The following LITAF variants were observed in gnomAD, a reference collection of about 807,000 sequenced individuals.
LITAF encodes the protein lipopolysaccharide induced TNF factor.
Under a neutral mutation model 14.5 loss-of-function variants are expected in LITAF, and 9 were observed. That is an observed-to-expected ratio of 0.62 (90% CI 0.37 to 1.08). The LOEUF (loss-of-function observed/expected upper bound fraction) is 1.08. Among genes scored for constraint, LITAF ranks in the 50% least tolerant of loss-of-function variants. The probability of loss-of-function intolerance (pLI) is 0.01; values close to 1 mark genes in which losing one functional copy is unlikely to be tolerated. For synonymous variants in LITAF, 98 were observed against 88.2 expected (o/e 1.11, Z -0.62); for missense variants, 206 against 213.4 (o/e 0.97, Z 0.22).
At chr16:11,633,704 C>T (rs976618781) in intron 2 of LITAF, 2 of 152,122 alleles carry the variant, frequency 1.3e-5, no homozygotes, top group African/African-American at 2.4e-5. Flanking sequence ...CAAGAAATAA[C>T]CTTAAAAATG....
In LITAF at chr16:11,553,589, C is replaced by G. The variant is rs149894874; in HGVS notation, c.321G>C (p.Leu107=). Reference sequence around the variant, plus strand: ...AGGTCAGAGCACCGGCGTTATAGGACAGCTGACTCACGATCATCTTGTTGC... The same window carrying G: ...AGGTCAGAGCACCGGCGTTATAGGAGAGCTGACTCACGATCATCTTGTTGC... The part of the protein sequence containing the change: ...PSCNKMIVSQ[L]SYNAGALTWL... The change falls in exon 3 of 4, where the codon CTG becomes CTC. Residue 107 remains leucine (L), a synonymous_variant. Transcript: ENST00000622633. This position sits in a 1 kb window ranked among gnomAD's most constrained non-coding sequence, Gnocchi z 7.7. 1 of 1,614,040 alleles carries G rather than the reference C, an allele frequency of 6.2e-7. No individual in the cohort carries two copies. Among genetic ancestry groups the G allele is most frequent in the African/African-American group, 1.3e-5 (1 of 74,936 alleles).
rs2064307364 is a variant in LITAF, at chr16:11,558,402, C to G, written c.-5-1667G>C. 1.3e-5 allele frequency among the ~76,000 whole-genome samples: 2 copies of G among 149,586 alleles called. No individual in the cohort carries two copies. The highest frequency in any genetic ancestry group is 2.1e-4 in the South Asian group (1 of 4,802). On this transcript the variant is annotated intron_variant, in intron 1 of 3. Coordinates refer to ENST00000622633, the MANE Select transcript of LITAF (RefSeq NM_001136472.2). This position sits in a 1 kb window ranked among gnomAD's most constrained non-coding sequence, Gnocchi z 4.1. ...CTGGGCAACATGGTGAGACCCCCATCTCTAAAACAAAACAAAACAAAAGGG... is the reference window on the plus strand; with the variant it reads ...CTGGGCAACATGGTGAGACCCCCATGTCTAAAACAAAACAAAACAAAAGGG...
At chr16:11,560,696 G>C (rs2064348292) in intron 1 of LITAF, among the ~76,000 whole-genome samples, 1 of 152,174 alleles carries the variant, frequency 6.6e-6, no homozygotes, top group Non-Finnish European at 1.5e-5. Flanking sequence ...AGGTTATAGA[G>C]AAGGGGAAAG....
chr16:11,621,128 G>A (rs145962297), intron 3 of LITAF, among the ~76,000 whole-genome samples: 29 of 152,032 alleles, frequency 1.9e-4, no homozygotes, highest in Non-Finnish European at 2.6e-4. Flanking sequence ...GGCAGTGCGC[G>A]ATCTCGGCTC....
intron 1 of LITAF, among the ~76,000 whole-genome samples, chr16:11,584,876 A>C (rs1283858298): frequency 6.6e-6 from 1 of 152,182 alleles, no homozygotes; most frequent in Admixed American, 6.6e-5. Flanking sequence ...TGTATTCCCC[A>C]AAGACAGTGA....
At chr16:11,636,630 C>A (rs1449656748), upstream of LITAF, among the ~76,000 whole-genome samples, 2 of 152,130 alleles carry the variant, frequency 1.3e-5, no homozygotes, top group Admixed American at 1.3e-4. Context: ...CACACGATGA[C>A]AAAGAAAAGG....
At chr16:11,608,371 G>C (rs1427186545) in intron 3 of LITAF, among the ~76,000 whole-genome samples, 2 of 152,168 alleles carry the variant, frequency 1.3e-5, no homozygotes, top group African/African-American at 4.8e-5. Context: ...GAAAGGGGAG[G>C]GGAGTTCCCA....
chr16:11,592,327 G>C (rs1049458891), intron 1 of LITAF, among the ~76,000 whole-genome samples: 1 of 152,158 alleles, frequency 6.6e-6, no homozygotes, highest in Non-Finnish European at 1.5e-5. Flanking sequence ...TATACTCCCA[G>C]TACTTTGGGA....
chr16:11,621,912 T>C (rs2065053621), intron 3 of LITAF, among the ~76,000 whole-genome samples: 1 of 152,150 alleles, frequency 6.6e-6, no homozygotes, highest in South Asian at 2.1e-4. Context: ...CCATTTCTTC[T>C]GGGTGGGAAG....
chr16:11,574,462 G>C (rs913623336), intron 1 of LITAF, among the ~76,000 whole-genome samples: 7 of 152,132 alleles, frequency 4.6e-5, no homozygotes, highest in African/African-American at 1.2e-4. Context: ...ACAAACACTG[G>C]TCACTTTTAC....
At chr16:11,639,888 T>A (rs1567271637), upstream of LITAF, among the ~76,000 whole-genome samples, 1 of 152,000 alleles carries the variant, frequency 6.6e-6, no homozygotes, top group Non-Finnish European at 1.5e-5. Context: ...GATCCTACCC[T>A]CTCAGCCCCC....
chr16:11,592,909 G>A (rs1197241516), intron 1 of LITAF, among the ~76,000 whole-genome samples: 2 of 152,092 alleles, frequency 1.3e-5, no homozygotes, highest in Non-Finnish European at 2.9e-5. Flanking sequence ...GGTGGCTCAC[G>A]CCTGTAATCC....
intron 3 of LITAF, among the ~76,000 whole-genome samples, chr16:11,615,203 T>A (rs2065009781): frequency 6.6e-6 from 1 of 152,142 alleles, no homozygotes; most frequent in Non-Finnish European, 1.5e-5. Context: ...CAGAGCCCCA[T>A]CTACCCTGGG....
At chr16:11,588,640 C>T (rs2064830339), upstream of LITAF, among the ~76,000 whole-genome samples, 1 of 151,866 alleles carries the variant, frequency 6.6e-6, no homozygotes, top group Non-Finnish European at 1.5e-5. Flanking sequence ...TGGATTACAC[C>T]CAACCTCTGC....
At chr16:11,639,207 G>GTATGGATGGGTAGATA (rs1160371393), upstream of LITAF, among the ~76,000 whole-genome samples, 877 of 151,984 alleles carry the variant, frequency 5.8e-3, 18 homozygotes, top group African/African-American at 0.02. Context: ...ATGGGTAGAT[G>GTATGGATGGGTAGATA]GATGAATGGT....
intron 1 of LITAF, among the ~76,000 whole-genome samples, chr16:11,572,420 G>A (rs536579683): frequency 2.6e-5 from 4 of 151,860 alleles, no homozygotes; most frequent in African/African-American, 4.9e-5. Context: ...ACAGATGATC[G>A]GGCTGAATAT....
intron 3 of LITAF, among the ~76,000 whole-genome samples, chr16:11,631,469 C>T (rs1223687288): frequency 6.6e-6 from 1 of 152,184 alleles, no homozygotes; most frequent in Non-Finnish European, 1.5e-5. Context: ...GAACATAGCT[C>T]ACTACAGCCA....
chr16:11,632,850 ATTCCACAGGAAT>A lies in LITAF; in HGVS notation c.85+671_85+682del, dbSNP rs1430920025. On this transcript the variant is annotated intron_variant, in intron 3 of 3. Coordinates refer to the LITAF transcript ENST00000574848. The surrounding 1 kb of genome is among the most constrained non-coding windows in gnomAD (Gnocchi z 4.8). ...CTTCTTCTTCTGCCGAATGCCTGGA[ATTCCACAGGAAT>A]TTCCACAGAGGCCCACCCCACTCTG... Among the ~76,000 whole-genome samples the A allele has an allele frequency of 1.3e-5, 2 of 152,112 alleles. No homozygotes were observed. Among genetic ancestry groups the A allele is most frequent in the East Asian group, 1.9e-4 (1 of 5,188 alleles).
intron 3 of LITAF, among the ~76,000 whole-genome samples, chr16:11,550,879 G>T (rs1319904465): frequency 6.6e-6 from 1 of 152,172 alleles, no homozygotes; most frequent in Non-Finnish European, 1.5e-5. Context: ...CAGCCACAGA[G>T]AATCCAAAAA....
Sources: gnomAD v4.1 joint callset for allele counts (sites outside exome capture counted in the v4.1 genomes callset) on GRCh38, gnomAD v4.1.1 for gene constraint, Gnocchi (gnomAD v3.1) non-coding constraint, MANE v1.5 for transcripts, NCBI Gene and HGNC (gene_info 2026-07-23, HGNC 2026-07-21) for gene names.